The following ZFAT variants were observed in gnomAD, a reference collection of about 807,000 sequenced individuals.
ZFAT encodes the protein zinc finger and AT-hook domain containing.
In ZFAT, 64 loss-of-function variants were observed where a neutral mutation model predicts 117.7. That is an observed-to-expected ratio of 0.54 (90% CI 0.44 to 0.67). The LOEUF is 0.67. ZFAT is among the 30% of genes least tolerant of loss of function. The probability of loss-of-function intolerance (pLI) is 0.00; values close to 1 mark genes in which losing one functional copy is unlikely to be tolerated. For synonymous variants in ZFAT, 679 were observed against 615.0 expected (o/e 1.10, Z -1.54); for missense variants, 1,433 against 1,584.5 (o/e 0.90, Z 1.62).
chr8:134,711,943 A>G (rs1052438304), intron 1 of ZFAT, among the ~76,000 whole-genome samples: 2 of 152,230 alleles, frequency 1.3e-5, no homozygotes, highest in African/African-American at 4.8e-5. Context: ...CTCGGAAGAT[A>G]AAGCTGGTGA....
At chr8:134,630,739 G>A (rs1829830978) in intron 3 of ZFAT, among the ~76,000 whole-genome samples, 1 of 152,110 alleles carries the variant, frequency 6.6e-6, no homozygotes, top group Non-Finnish European at 1.5e-5. Context: ...CCTGGTTTCT[G>A]CTACCATTCA....
intron 15 of ZFAT, among the ~76,000 whole-genome samples, chr8:134,501,443 T>C (rs914444583): frequency 6.6e-6 from 1 of 152,222 alleles, no homozygotes; most frequent in African/African-American, 2.4e-5. Flanking sequence ...AAACTGCTGT[T>C]ACCATCAATT....
chr8:134,570,549 C>T (rs993713675), intron 10 of ZFAT, among the ~76,000 whole-genome samples: 5 of 152,118 alleles, frequency 3.3e-5, no homozygotes, highest in African/African-American at 1.2e-4. Flanking sequence ...CATCTGGCAC[C>T]CTTGCAGGTT....
chr8:134,713,059 C>T (rs1814085608), upstream of ZFAT: 1 of 577,472 alleles, frequency 1.7e-6, no homozygotes, highest in East Asian at 3.5e-5. Context: ...CCCCACGGGG[C>T]GCAGACGCCT....
At chr8:134,829,225 A>T in the ZFAT span, among the ~76,000 whole-genome samples, 1 of 152,220 alleles carries the variant, frequency 6.6e-6, no homozygotes, top group Non-Finnish European at 1.5e-5. Flanking sequence ...GCCCAACACA[A>T]ATGTGTAAAC....
At chr8:134,787,804 A>T in the ZFAT span, among the ~76,000 whole-genome samples, 5 of 71,384 alleles carry the variant, frequency 7.0e-5, no homozygotes, top group Admixed American at 2.2e-4. Context: ...ATTTAGAATT[A>T]AAAAAAAAAT....
At chr8:134,567,180 T>C (rs1824529618) in intron 10 of ZFAT, among the ~76,000 whole-genome samples, 1 of 152,158 alleles carries the variant, frequency 6.6e-6, no homozygotes, top group Non-Finnish European at 1.5e-5. Flanking sequence ...CACATCTTCT[T>C]CACCAAATGG....
At chr8:134,785,657 T>A in the ZFAT span, 3 of 152,176 alleles carry the variant, frequency 2.0e-5, no homozygotes, top group African/African-American at 4.8e-5. Context: ...CAAGTTCTCA[T>A]GTATCTGTTT....
At chr8:134,584,989 G>A (rs1159027907) in intron 9 of ZFAT, among the ~76,000 whole-genome samples, 2 of 152,150 alleles carry the variant, frequency 1.3e-5, no homozygotes, top group East Asian at 3.8e-4. Context: ...GTGCCTTAGG[G>A]CCCACGCAAA....
At chr8:134,733,260 G>A in the ZFAT span, among the ~76,000 whole-genome samples, 3 of 152,148 alleles carry the variant, frequency 2.0e-5, no homozygotes, top group South Asian at 2.1e-4. Context: ...AGCAACAACC[G>A]CTCCTGGGGA....
chr8:134,674,392 G>C (rs1031887208), intron 1 of ZFAT, among the ~76,000 whole-genome samples: 1 of 152,176 alleles, frequency 6.6e-6, no homozygotes, highest in Admixed American at 6.5e-5. Context: ...GGCCAACCTG[G>C]GATGCTGGAG....
intron 1 of ZFAT, among the ~76,000 whole-genome samples, chr8:134,674,295 G>A (rs1246234747): frequency 1.3e-5 from 2 of 152,154 alleles, no homozygotes; most frequent in African/African-American, 4.8e-5. Flanking sequence ...ATTTTCTCTG[G>A]TGCCTGGCTC....
At chr8:134,510,032 T>C (rs1227214442) in intron 14 of ZFAT, 2 of 480,004 alleles carry the variant, frequency 4.2e-6, no homozygotes, top group Non-Finnish European at 8.3e-6. Flanking sequence ...ACTGAGTCAG[T>C]TACACCACAA....
At chr8:134,486,078 T>C (rs1483076834) in intron 15 of ZFAT, among the ~76,000 whole-genome samples, 1 of 152,148 alleles carries the variant, frequency 6.6e-6, no homozygotes, top group Admixed American at 6.5e-5. Context: ...AACACATAAA[T>C]AAGTGATGAA....
chr8:134,696,485 T>A, intron 1 of ZFAT: 1 of 985,642 alleles, frequency 1.0e-6, no homozygotes, highest in Non-Finnish European at 1.2e-6. Context: ...CCTCCGCCGC[T>A]TCCCACGGAG....
the ZFAT span, among the ~76,000 whole-genome samples, chr8:134,755,760 C>T: frequency 0.026 from 3,702 of 141,162 alleles, 146 homozygotes; most frequent in African/African-American, 0.092. Flanking sequence ...TGCAGTTAGC[C>T]GAGATCACGC....
the ZFAT span, among the ~76,000 whole-genome samples, chr8:134,726,589 T>C: frequency 6.6e-6 from 1 of 152,096 alleles, no homozygotes; most frequent in African/African-American, 2.4e-5. Flanking sequence ...GATCACCAGC[T>C]TCAGGGTTTG....
At chr8:134,571,468 T>C (rs1466701181) in intron 10 of ZFAT, among the ~76,000 whole-genome samples, 4 of 152,244 alleles carry the variant, frequency 2.6e-5, no homozygotes, top group Non-Finnish European at 5.9e-5. Flanking sequence ...AATGAGTTTC[T>C]GTCAACTGCA....
chr8:134,661,617 G>A (rs1397722017), intron 1 of ZFAT, among the ~76,000 whole-genome samples: 1 of 152,224 alleles, frequency 6.6e-6, no homozygotes. Flanking sequence ...GGAGTACATT[G>A]GCCCAAGACG....
Sources: allele counts gnomAD v4.1 joint callset (sites outside exome capture counted in the v4.1 genomes callset), GRCh38; gene constraint gnomAD v4.1.1; transcripts MANE v1.5; gene names NCBI Gene and HGNC (gene_info 2026-07-23, HGNC 2026-07-21).